The following RASEF variants were observed in gnomAD, a reference collection of about 807,000 sequenced individuals.
RASEF encodes ras and EF-hand domain-containing protein.
In RASEF, 68 loss-of-function variants were observed where a neutral mutation model predicts 90.1. The observed-to-expected ratio is 0.75, with a 90% CI of 0.62 to 0.92. The LOEUF is 0.92. RASEF is among the 40% of genes least tolerant of loss of function. The probability of loss-of-function intolerance (pLI) is 0.00; values close to 1 mark genes in which losing one functional copy is unlikely to be tolerated. For missense variants in RASEF, 949 were observed against 937.2 expected (o/e 1.01, Z -0.16); for synonymous variants, 331 against 345.2 (o/e 0.96, Z 0.46).
the RASEF span, among the ~76,000 whole-genome samples, chr9:83,168,261 T>C: frequency 2.6e-5 from 4 of 152,184 alleles, no homozygotes; most frequent in African/African-American, 9.7e-5. Flanking sequence ...TTTAATGATA[T>C]GAGCATCTTT....
intron 8 of RASEF, 109 bp from the exon 9 acceptor site, chr9:83,004,695 A>G (rs2118465698): frequency 4.5e-6 from 3 of 667,578 alleles, no homozygotes; most frequent in East Asian, 5.5e-5. Context: ...CACACTACTC[A>G]AACTTCTAAT....
At position 83,041,010 on chromosome 9, in the gene RASEF, G is replaced by A. The variant is rs539762287; in HGVS notation, c.432-15089C>T. Among the ~76,000 whole-genome samples, 23 of 152,236 alleles carry A rather than the reference G, an allele frequency of 1.5e-4. No homozygotes were observed. In the South Asian group the frequency reaches 4.1e-3, roughly 27 times the overall value. On this transcript the variant is annotated intron_variant, in intron 1 of 16. Coordinates refer to ENST00000376447, the MANE Select transcript of RASEF (RefSeq NM_152573.4). ...CAAGTGGCTGGGATTACAGGCACGC[G>A]CCACCATGCCTGGCTAATTTTTTTG...
At chr9:83,077,448 C>T in the RASEF span, among the ~76,000 whole-genome samples, 1 of 152,072 alleles carries the variant, frequency 6.6e-6, no homozygotes, top group Non-Finnish European at 1.5e-5. Flanking sequence ...GAATTTGACC[C>T]TCAAACTTAC....
the RASEF span, among the ~76,000 whole-genome samples, chr9:83,093,045 C>A: frequency 6.6e-6 from 1 of 151,824 alleles, no homozygotes; most frequent in South Asian, 2.1e-4. Flanking sequence ...TCTCCAAGGC[C>A]CCACCTGAGT....
At chr9:83,154,304 G>T in the RASEF span, among the ~76,000 whole-genome samples, 1 of 152,166 alleles carries the variant, frequency 6.6e-6, no homozygotes, top group Non-Finnish European at 1.5e-5. Flanking sequence ...AAATTGACTG[G>T]CTGGCACCCT....
chr9:83,084,733 C>T, the RASEF span, among the ~76,000 whole-genome samples: 1 of 152,172 alleles, frequency 6.6e-6, no homozygotes, highest in Non-Finnish European at 1.5e-5. Context: ...CACCCCCACT[C>T]TTAAAGCTAC....
At chr9:83,101,092 C>A in the RASEF span, among the ~76,000 whole-genome samples, 1 of 152,118 alleles carries the variant, frequency 6.6e-6, no homozygotes, top group Non-Finnish European at 1.5e-5. Context: ...AGATTCTGTC[C>A]CCCTTTAAAT....
intron 1 of RASEF, among the ~76,000 whole-genome samples, chr9:83,032,228 G>A (rs1010253976): frequency 3.9e-4 from 60 of 151,994 alleles, no homozygotes; most frequent in African/African-American, 1.5e-3. Context: ...AAGCAGAAAC[G>A]ATACAATGGC....
intron 1 of RASEF, chr9:83,047,973 C>T (rs1037271564): frequency 1.7e-5 from 5 of 288,934 alleles, no homozygotes; most frequent in African/African-American, 4.5e-5. Flanking sequence ...CCCAGCATCA[C>T]TGTCAACATT....
intron 1 of RASEF, among the ~76,000 whole-genome samples, chr9:83,062,215 G>A (rs1029340354): frequency 6.6e-6 from 1 of 152,184 alleles, no homozygotes; most frequent in Non-Finnish European, 1.5e-5. Context: ...GCAGGCTCAG[G>A]ATTCAGCACG....
At chr9:83,161,053 A>G in the RASEF span, among the ~76,000 whole-genome samples, 1 of 152,272 alleles carries the variant, frequency 6.6e-6, no homozygotes, top group Middle Eastern at 3.4e-3. Flanking sequence ...GGGCCCTCAT[A>G]GAGAACCTCT....
chr9:83,073,413 G>A, the RASEF span, among the ~76,000 whole-genome samples: 3 of 147,642 alleles, frequency 2.0e-5, no homozygotes, highest in East Asian at 6.1e-4. Context: ...GGTGCTTATT[G>A]TTAATGTTGC....
At chr9:83,088,355 C>G in the RASEF span, among the ~76,000 whole-genome samples, 4 of 131,250 alleles carry the variant, frequency 3.0e-5, no homozygotes, top group Non-Finnish European at 6.5e-5. Flanking sequence ...TCTATATACA[C>G]AGAGATATAG....
the RASEF span, among the ~76,000 whole-genome samples, chr9:83,153,045 A>C: frequency 6.6e-6 from 1 of 152,212 alleles, no homozygotes; most frequent in East Asian, 1.9e-4. Context: ...ACCACTTCGG[A>C]AAACTTGTTT....
chr9:83,040,431 C>T (rs372221068), intron 1 of RASEF, among the ~76,000 whole-genome samples: 3 of 152,120 alleles, frequency 2.0e-5, no homozygotes, highest in East Asian at 1.9e-4. Context: ...GATTCTATGG[C>T]GATCAACAAA....
the RASEF span, among the ~76,000 whole-genome samples, chr9:83,171,135 A>C: frequency 6.6e-6 from 1 of 151,880 alleles, no homozygotes; most frequent in African/African-American, 2.4e-5. Context: ...TATTATCATG[A>C]AGAGATATTA....
chr9:83,157,791 C>A, the RASEF span, among the ~76,000 whole-genome samples: 2 of 152,066 alleles, frequency 1.3e-5, no homozygotes, highest in Non-Finnish European at 2.9e-5. Flanking sequence ...CTGCATTTAC[C>A]AATCTAAAAA....
chr9:83,127,261 C>G, the RASEF span, among the ~76,000 whole-genome samples: 1 of 152,070 alleles, frequency 6.6e-6, no homozygotes, highest in Non-Finnish European at 1.5e-5. Flanking sequence ...TATTGGTGAC[C>G]AAGTCACAAG....
the RASEF span, among the ~76,000 whole-genome samples, chr9:83,068,580 GAGGA>G: frequency 1.3e-5 from 2 of 152,206 alleles, no homozygotes; most frequent in Admixed American, 1.3e-4. Context: ...GAACTTGGCA[GAGGA>G]CTCTGAGCTT....
Sources: allele counts gnomAD v4.1 joint callset (sites outside exome capture counted in the v4.1 genomes callset), GRCh38; gene constraint gnomAD v4.1.1; transcripts MANE v1.5; gene names NCBI Gene and HGNC (gene_info 2026-07-23, HGNC 2026-07-21).